The following MAP4K4 variants were observed in gnomAD, a reference collection of about 807,000 sequenced individuals.
The protein encoded by MAP4K4 is mitogen-activated protein kinase kinase kinase kinase 4.
A neutral mutation model predicts 189.6 loss-of-function variants in MAP4K4; 38 were observed. The observed-to-expected ratio is 0.20, with a 90% confidence interval of 0.15 to 0.26. MAP4K4 has a LOEUF of 0.26. Among genes scored for constraint, MAP4K4 ranks in the 10% least tolerant of loss-of-function variants. The pLI is 1.00. For missense variants in MAP4K4, 1,054 were observed against 1,726.9 expected, an observed-to-expected ratio of 0.61 and a Z score of 6.91; for synonymous variants, 610 against 624.3, an observed-to-expected ratio of 0.98 and a Z score of 0.34.
chr2:101,784,399 G>T (rs1215997246), intron 2 of MAP4K4, among the ~76,000 whole-genome samples: 1 of 152,016 alleles, frequency 6.6e-6, no homozygotes, highest in East Asian at 1.9e-4. Flanking sequence ...CTGAGCACTG[G>T]TTAAAGGTAG....
chr2:101,823,858 G>C, intron 3 of MAP4K4, 70 bp from the exon 4 acceptor site: 1 of 1,312,062 alleles, frequency 7.6e-7, no homozygotes, highest in South Asian at 1.4e-5. Flanking sequence ...ATTATTGTAT[G>C]TAGTGTGGGG....
Position 101,864,058 on chromosome 2 carries a change from A to G in MAP4K4, c.2097+7A>G. ...TGACGAGGTGCCTCCAAGGGTAAGGAGCAGAAAGACAGATGTGTGCTGCTT... is the reference window on the plus strand; with the variant it reads ...TGACGAGGTGCCTCCAAGGGTAAGGGGCAGAAAGACAGATGTGTGCTGCTT... On this transcript the variant is annotated splice_region_variant and intron_variant, in intron 17 of 32. Transcript: ENST00000324219. The G allele has an allele frequency of 7.4e-7, 1 of 1,343,004 alleles. No homozygotes were observed. Among genetic ancestry groups the G allele is most frequent in the Non-Finnish European group, 1.0e-6 (1 of 1,003,438 alleles). The allele number at this position is 1,343,004 out of a possible 1,614,324, so 83.2% of individuals were successfully genotyped here.
At chr2:101,717,144 T>C (rs2048844425) in intron 2 of MAP4K4, among the ~76,000 whole-genome samples, 1 of 152,102 alleles carries the variant, frequency 6.6e-6, no homozygotes. Context: ...CTTTTGGTGC[T>C]CAAATACCTT....
chr2:101,829,273 G>C (rs1374106098), intron 5 of MAP4K4, among the ~76,000 whole-genome samples: 1 of 152,142 alleles, frequency 6.6e-6, no homozygotes, highest in Non-Finnish European at 1.5e-5. Flanking sequence ...TGATCACGTT[G>C]CTCACACGGG....
intron 6 of MAP4K4, among the ~76,000 whole-genome samples, chr2:101,829,974 T>G (rs1400244337): frequency 6.6e-6 from 1 of 152,212 alleles, no homozygotes; most frequent in African/African-American, 2.4e-5. Context: ...TATGTCCCTC[T>G]TTACTTCTCT....
At chr2:101,892,734 T>G in exon 33 of MAP4K4, 1 of 367,024 alleles carries the variant, frequency 2.7e-6, no homozygotes, top group Non-Finnish European at 5.5e-6. Context: ...TCTCTTGTTC[T>G]CTGTTTTTTT....
In MAP4K4 at chr2:101,749,929, T is replaced by C. The variant is rs758058716; in HGVS notation, c.124-40791T>C. 2.9e-4 allele frequency among the ~76,000 whole-genome samples: 33 copies of C among 114,012 alleles called. 1 individual carries two copies. The highest frequency in any genetic ancestry group is 5.0e-4 in the Non-Finnish European group (31 of 61,780). 74.8% of individuals were successfully genotyped at this position (114,012 alleles called of 152,430 possible). ...GAAAAATGCTCATCATCACTGGCCATCAGAGAAATGCAAATCAAAACCACA... is the reference window on the plus strand; with the variant it reads ...GAAAAATGCTCATCATCACTGGCCACCAGAGAAATGCAAATCAAAACCACA... On this transcript the variant is annotated intron_variant, in intron 2 of 32. Coordinates refer to ENST00000324219, the Ensembl canonical transcript of MAP4K4.
At chr2:101,699,418 C>T (rs1166020533) in intron 2 of MAP4K4, among the ~76,000 whole-genome samples, 1 of 152,062 alleles carries the variant, frequency 6.6e-6, no homozygotes, top group African/African-American at 2.4e-5. Context: ...AGGCGCAGGC[C>T]TTGAAAATTC....
chr2:101,702,637 G>A (rs557466429), intron 2 of MAP4K4, among the ~76,000 whole-genome samples: 4 of 152,360 alleles, frequency 2.6e-5, no homozygotes, highest in African/African-American at 9.6e-5. Context: ...GACTGACAGA[G>A]GGGAAATCCG....
chr2:101,806,047 C>T (rs2094898431), intron 3 of MAP4K4, among the ~76,000 whole-genome samples: 1 of 152,124 alleles, frequency 6.6e-6, no homozygotes, highest in African/African-American at 2.4e-5. Context: ...TGCGTTCTTG[C>T]CCCACCCCAC....
At chr2:101,876,028 A>G (rs1003257110) in intron 26 of MAP4K4, among the ~76,000 whole-genome samples, 14 of 152,198 alleles carry the variant, frequency 9.2e-5, no homozygotes, top group African/African-American at 3.1e-4. Context: ...CCAAAGGCTG[A>G]ACAATTGTGA....
chr2:101,891,726 CAG>C (rs2098569838), exon 33 of MAP4K4: 1 of 154,308 alleles, frequency 6.5e-6, no homozygotes, highest in Non-Finnish European at 1.5e-5. Context: ...GTAACATTAA[CAG>C]TGTATTTAAT....
At chr2:101,861,957 G>C (rs1220868989) in intron 16 of MAP4K4, 1 of 151,836 alleles carries the variant, frequency 6.6e-6, no homozygotes, top group Non-Finnish European at 1.5e-5. Flanking sequence ...AAAAGGGCTG[G>C]GGCACAGTGG....
chr2:101,784,129 C>T (rs1158052250), intron 2 of MAP4K4, among the ~76,000 whole-genome samples: 1 of 152,208 alleles, frequency 6.6e-6, no homozygotes, highest in Non-Finnish European at 1.5e-5. Flanking sequence ...GTCCACCTCA[C>T]TAGCCCCATA....
intron 9 of MAP4K4, 93 bp downstream of exon 9, chr2:101,836,071 T>G: frequency 1.1e-6 from 1 of 945,052 alleles, no homozygotes; most frequent in Non-Finnish European, 1.6e-6. Flanking sequence ...ATTCTGGCCC[T>G]TCTAATTCTG....
chr2:101,862,537 G>A (rs150494708), intron 16 of MAP4K4, among the ~76,000 whole-genome samples: 6 of 152,242 alleles, frequency 3.9e-5, no homozygotes, highest in East Asian at 1.9e-4. Context: ...GTTAAACTTC[G>A]CATAAATGGA....
At chr2:101,796,228 T>C (rs2093672756) in intron 3 of MAP4K4, among the ~76,000 whole-genome samples, 1 of 152,150 alleles carries the variant, frequency 6.6e-6, no homozygotes, top group Non-Finnish European at 1.5e-5. Context: ...ATTCTCAAAA[T>C]GTAGCTATTG....
chr2:101,744,926 G>T (rs1030644689), intron 2 of MAP4K4, among the ~76,000 whole-genome samples: 3 of 152,122 alleles, frequency 2.0e-5, no homozygotes, highest in African/African-American at 7.2e-5. Context: ...TAACTTTCAT[G>T]GTGGGAAGAG....
At chr2:101,832,932 A>G (rs2096631548) in intron 7 of MAP4K4, among the ~76,000 whole-genome samples, 1 of 152,144 alleles carries the variant, frequency 6.6e-6, no homozygotes, top group Non-Finnish European at 1.5e-5. Context: ...GGAAAGGTGT[A>G]ATTTGTATCA....
Sources: gnomAD v4.1 joint callset for allele counts (sites outside exome capture counted in the v4.1 genomes callset) on GRCh38, gnomAD v4.1.1 for gene constraint, MANE v1.5 for transcripts, NCBI Gene and HGNC (gene_info 2026-07-23, HGNC 2026-07-21) for gene names.